Variants in CSMD1 observed in about 807,000 individuals in gnomAD.
The protein encoded by CSMD1 is CUB and sushi domain-containing protein 1.
Under a neutral mutation model 417.5 loss-of-function variants are expected in CSMD1, and 213 were observed. That is an observed-to-expected ratio of 0.51 (90% confidence interval 0.46 to 0.57). The LOEUF is 0.57. Among genes scored for constraint, CSMD1 ranks in the 20% least tolerant of loss-of-function variants. The pLI is 0.00. For synonymous variants in CSMD1, 2,862 were observed against 1,736.8 expected (o/e 1.65, Z -16.11); for missense variants, 6,923 against 4,529.7 (o/e 1.53, Z -15.17).
At chr8:3,474,557 A>G (rs1323499541) in intron 11 of CSMD1, among the ~76,000 whole-genome samples, 2 of 152,146 alleles carry the variant, frequency 1.3e-5, no homozygotes, top group Non-Finnish European at 1.5e-5. Context: ...TTAAATGTTT[A>G]ATATTAGGAG....
At chr8:3,949,716 T>C (rs1445452037) in intron 5 of CSMD1, among the ~76,000 whole-genome samples, 2 of 152,074 alleles carry the variant, frequency 1.3e-5, no homozygotes, top group Non-Finnish European at 2.9e-5. Flanking sequence ...TCCTGATTCA[T>C]GGTATGAGCA....
At chr8:2,949,882 A>G (rs1317815640) in intron 67 of CSMD1, among the ~76,000 whole-genome samples, 1 of 152,116 alleles carries the variant, frequency 6.6e-6, no homozygotes, top group Non-Finnish European at 1.5e-5. Flanking sequence ...TTTCTTTTAG[A>G]ACGAGCAGCG....
intron 5 of CSMD1, among the ~76,000 whole-genome samples, chr8:3,977,560 C>T (rs933427447): frequency 2.0e-5 from 3 of 152,092 alleles, no homozygotes; most frequent in African/African-American, 7.2e-5. Flanking sequence ...ATTTTTAATA[C>T]TTTGTGACTC....
chr8:4,380,268 T>G (rs1331430752), intron 3 of CSMD1, among the ~76,000 whole-genome samples: 4 of 152,138 alleles, frequency 2.6e-5, no homozygotes, highest in Non-Finnish European at 4.4e-5. Flanking sequence ...CAAACACCTC[T>G]GCCAGGTGAC....
chr8:3,534,725 C>G (rs904295263), intron 10 of CSMD1, among the ~76,000 whole-genome samples: 2 of 152,136 alleles, frequency 1.3e-5, no homozygotes, highest in Non-Finnish European at 2.9e-5. Context: ...CTTTAAGCAA[C>G]AACTGCATAA....
intron 3 of CSMD1, among the ~76,000 whole-genome samples, chr8:4,295,772 AT>A (rs1797647448): frequency 4.9e-5 from 2 of 40,490 alleles, no homozygotes; most frequent in Admixed American, 4.1e-4. Context: ...ATATATATAT[AT>A]ATATATATAT....
intron 26 of CSMD1, among the ~76,000 whole-genome samples, chr8:3,273,354 T>C (rs1205719871): frequency 6.6e-6 from 1 of 152,154 alleles, no homozygotes; most frequent in Admixed American, 6.6e-5. Context: ...TTGAGGATTT[T>C]TACATCAATG....
chr8:3,408,410 A>G (rs1460907505), intron 13 of CSMD1, among the ~76,000 whole-genome samples, 185 bp from the exon 14 acceptor site: 1 of 152,192 alleles, frequency 6.6e-6, no homozygotes, highest in Non-Finnish European at 1.5e-5. Context: ...TAAGTCGAAT[A>G]TTTCATTATC....
At chr8:4,631,278 C>A (rs1009339555) in intron 2 of CSMD1, among the ~76,000 whole-genome samples, 3 of 152,142 alleles carry the variant, frequency 2.0e-5, no homozygotes, top group Non-Finnish European at 4.4e-5. Context: ...AGGAGAATCG[C>A]TGGAACCTGG....
chr8:3,196,736 G>A (rs570404105), intron 33 of CSMD1, among the ~76,000 whole-genome samples: 1 of 152,286 alleles, frequency 6.6e-6, no homozygotes, highest in East Asian at 1.9e-4. Context: ...ACTGAAACTT[G>A]TTGGTAATGC....
At chr8:4,408,083 G>C (rs895702790) in intron 3 of CSMD1, among the ~76,000 whole-genome samples, 1 of 152,082 alleles carries the variant, frequency 6.6e-6, no homozygotes, top group Non-Finnish European at 1.5e-5. Flanking sequence ...ATATTTAAAA[G>C]CATGCTTCAC....
At chr8:3,840,686 T>A (rs1585074756) in intron 5 of CSMD1, among the ~76,000 whole-genome samples, 2 of 145,576 alleles carry the variant, frequency 1.4e-5, no homozygotes, top group East Asian at 2.0e-4. Context: ...CTCAATTCTT[T>A]TTTTTAATTT....
intron 3 of CSMD1, among the ~76,000 whole-genome samples, chr8:4,241,688 T>C (rs1802413048): frequency 6.8e-6 from 1 of 146,114 alleles, no homozygotes; most frequent in African/African-American, 2.5e-5. Context: ...AGAAATGGGA[T>C]TTGGAGTGAT....
At chr8:3,714,294 T>C (rs1306566257) in intron 6 of CSMD1, among the ~76,000 whole-genome samples, 1 of 151,190 alleles carries the variant, frequency 6.6e-6, no homozygotes, top group Non-Finnish European at 1.5e-5. Context: ...AATAGATTTC[T>C]GTTAAATTTG....
intron 3 of CSMD1, among the ~76,000 whole-genome samples, chr8:4,133,914 G>T (rs574041278): frequency 3.9e-5 from 6 of 152,050 alleles, no homozygotes; most frequent in East Asian, 1.9e-4. Context: ...GTTATCCAGG[G>T]AAACAGAATA....
intron 11 of CSMD1, among the ~76,000 whole-genome samples, chr8:3,474,256 C>A: frequency 6.6e-6 from 1 of 151,966 alleles, no homozygotes; most frequent in Non-Finnish European, 1.5e-5. Context: ...GAATATAAAT[C>A]GTCAAATAAA....
chr8:4,805,925 A>G (rs1006339862), intron 1 of CSMD1, among the ~76,000 whole-genome samples: 5 of 152,176 alleles, frequency 3.3e-5, no homozygotes, highest in African/African-American at 1.2e-4. Flanking sequence ...TGTGGACCTC[A>G]GAGCAGTAAA....
intron 3 of CSMD1, among the ~76,000 whole-genome samples, chr8:4,365,542 A>G (rs1187486116): frequency 6.6e-6 from 1 of 152,214 alleles, no homozygotes; most frequent in Non-Finnish European, 1.5e-5. Flanking sequence ...GATATCAGAG[A>G]CAGTTACTTA....
chr8:3,961,021 T>A (rs1268490965), intron 5 of CSMD1, among the ~76,000 whole-genome samples: 2 of 151,944 alleles, frequency 1.3e-5, no homozygotes, highest in Non-Finnish European at 2.9e-5. Context: ...ATTGTACAAT[T>A]CCCATTTTAA....
Sources: allele counts gnomAD v4.1 joint callset (sites outside exome capture counted in the v4.1 genomes callset), GRCh38; gene constraint gnomAD v4.1.1; transcripts MANE v1.5; gene names NCBI Gene and HGNC (gene_info 2026-07-23, HGNC 2026-07-21).